The following ERBB4 variants were observed in gnomAD, a reference collection of about 807,000 sequenced individuals.
The protein encoded by ERBB4 is erb-b2 receptor tyrosine kinase 4.
Under a neutral mutation model 158.0 loss-of-function variants are expected in ERBB4, and 42 were observed. The ratio of observed to expected loss-of-function variants is 0.27; its 90% CI spans 0.21 to 0.34. The LOEUF is 0.34. ERBB4 is among the 10% of genes least tolerant of loss of function. ERBB4 has a pLI of 1.00. For synonymous variants in ERBB4, 583 were observed against 558.7 expected (o/e 1.04, Z -0.61); for missense variants, 1,333 against 1,624.1 (o/e 0.82, Z 3.08).
intron 20 of ERBB4, among the ~76,000 whole-genome samples, chr2:211,463,855 T>C (rs1164316949): frequency 2.6e-5 from 4 of 151,940 alleles, no homozygotes; most frequent in Admixed American, 2.6e-4. Flanking sequence ...CTAGTCCCCA[T>C]TACCTCTCTA....
chr2:212,313,297 T>C (rs1048524051), intron 1 of ERBB4, among the ~76,000 whole-genome samples: 7 of 150,854 alleles, frequency 4.6e-5, no homozygotes, highest in Non-Finnish European at 4.5e-5. Context: ...ATAAGGTAAA[T>C]AAAAGATATC....
At chr2:212,115,767 C>T (rs1248307822) in intron 2 of ERBB4, among the ~76,000 whole-genome samples, 1 of 152,064 alleles carries the variant, frequency 6.6e-6, no homozygotes, top group Non-Finnish European at 1.5e-5. Context: ...CCTAGGCCTT[C>T]CAAAGTGTTG....
At position 211,892,837 on chromosome 2, in the gene ERBB4, G is replaced by C. The variant is rs545161034; in HGVS notation, c.421+54593C>G. ...TGCTTCAAAGAAAATAAAATACCTA[G>C]GAATCCAACTTACAAGGGATGTGAA... On this transcript the variant is annotated intron_variant, in intron 3 of 27. Coordinates refer to ENST00000342788, the MANE Select transcript of ERBB4 (RefSeq NM_005235.3). Among the ~76,000 whole-genome samples the C allele has an allele frequency of 3.7e-3, 532 of 142,738 alleles. 58 individuals are homozygous for C. The highest frequency in any genetic ancestry group is 0.014 in the African/African-American group (508 of 35,858). The allele number at this position is 142,738 out of a possible 152,430, so 93.6% of individuals were successfully genotyped here. A position where few individuals can be genotyped will look rare whatever the true frequency, so the allele number is the denominator to read the frequency against.
At chr2:211,591,404 A>C (rs949777852) in intron 19 of ERBB4, among the ~76,000 whole-genome samples, 9 of 152,186 alleles carry the variant, frequency 5.9e-5, no homozygotes, top group Admixed American at 3.9e-4. Context: ...CTACATTTCC[A>C]GACAGGCTTT....
chr2:211,722,017 C>T (rs2074113985), intron 7 of ERBB4, among the ~76,000 whole-genome samples: 1 of 152,128 alleles, frequency 6.6e-6, no homozygotes. Flanking sequence ...CGCCCGCCAC[C>T]ACGCCTGGCT....
intron 2 of ERBB4, among the ~76,000 whole-genome samples, chr2:212,091,860 T>C (rs916358026): frequency 6.6e-6 from 1 of 152,210 alleles, no homozygotes; most frequent in African/African-American, 2.4e-5. Flanking sequence ...CTTTAAAGTT[T>C]ATAAGGCAAA....
intron 3 of ERBB4, among the ~76,000 whole-genome samples, chr2:211,843,621 TA>T (rs1239770955): frequency 2.0e-5 from 3 of 152,002 alleles, no homozygotes; most frequent in Non-Finnish European, 4.4e-5. Flanking sequence ...AATGTTTTTC[TA>T]GACATCCTTA....
intron 1 of ERBB4, among the ~76,000 whole-genome samples, chr2:212,331,075 C>CATATATAT (rs1553619158): frequency 4.7e-5 from 1 of 21,290 alleles, no homozygotes; most frequent in Non-Finnish European, 1.8e-4. Context: ...TATATATACA[C>CATATATAT]ATATATATAT....
At chr2:211,729,434 G>A (rs1165650892) in intron 5 of ERBB4, among the ~76,000 whole-genome samples, 2 of 151,348 alleles carry the variant, frequency 1.3e-5, no homozygotes, top group Non-Finnish European at 3.0e-5. Flanking sequence ...GAAGCATTTG[G>A]ACACATAAAA....
intron 3 of ERBB4, among the ~76,000 whole-genome samples, chr2:211,901,742 T>A (rs527403811): frequency 6.6e-6 from 1 of 152,128 alleles, no homozygotes; most frequent in Non-Finnish European, 1.5e-5. Context: ...GCCTAATAGC[T>A]TTTTTCCTAT....
chr2:211,747,882 C>A (rs918373076), intron 5 of ERBB4, among the ~76,000 whole-genome samples: 1 of 151,554 alleles, frequency 6.6e-6, no homozygotes, highest in African/African-American at 2.4e-5. Flanking sequence ...TTCCAGGACC[C>A]CCATAAATAC....
intron 1 of ERBB4, among the ~76,000 whole-genome samples, chr2:212,425,637 T>A (rs1476649220): frequency 1.3e-5 from 2 of 152,006 alleles, no homozygotes; most frequent in East Asian, 3.9e-4. Context: ...TTTTCAGATC[T>A]TAGGAAAATT....
chr2:212,395,489 G>A (rs2090997732), intron 1 of ERBB4, among the ~76,000 whole-genome samples: 1 of 151,600 alleles, frequency 6.6e-6, no homozygotes, highest in Admixed American at 6.6e-5. Flanking sequence ...TTGACCTAAT[G>A]TCCTAAAATA....
intron 1 of ERBB4, among the ~76,000 whole-genome samples, chr2:212,187,807 A>T (rs2082059536): frequency 6.6e-6 from 1 of 152,180 alleles, no homozygotes; most frequent in Non-Finnish European, 1.5e-5. Flanking sequence ...ATTATTTCAG[A>T]GACATGAGTG....
At chr2:211,523,394 T>C (rs1053623269) in intron 20 of ERBB4, among the ~76,000 whole-genome samples, 9 of 151,122 alleles carry the variant, frequency 6.0e-5, no homozygotes, top group African/African-American at 1.5e-4. Context: ...CCTGTCACAG[T>C]GTGTCCAGAA....
intron 19 of ERBB4, among the ~76,000 whole-genome samples, chr2:211,573,086 T>C (rs2067780287): frequency 6.6e-6 from 1 of 152,184 alleles, no homozygotes; most frequent in Non-Finnish European, 1.5e-5. Context: ...GAGATCTTCC[T>C]TGATTATTCA....
At chr2:211,448,783 A>G (rs929001221) in intron 20 of ERBB4, among the ~76,000 whole-genome samples, 5 of 152,184 alleles carry the variant, frequency 3.3e-5, no homozygotes. Flanking sequence ...GAGCTACCAT[A>G]GATGTCTGTT....
chr2:212,509,160 G>A (rs1291617407), intron 1 of ERBB4, among the ~76,000 whole-genome samples: 1 of 152,032 alleles, frequency 6.6e-6, no homozygotes, highest in Non-Finnish European at 1.5e-5. Context: ...ATTTGGAATT[G>A]TTGATGTGTA....
At chr2:212,240,918 C>T (rs1009450240) in intron 1 of ERBB4, among the ~76,000 whole-genome samples, 21 of 152,156 alleles carry the variant, frequency 1.4e-4, no homozygotes, top group African/African-American at 5.1e-4. Flanking sequence ...GGTCCTCAAC[C>T]ATGGACATAG....
Sources: allele counts gnomAD v4.1 joint callset (sites outside exome capture counted in the v4.1 genomes callset), GRCh38; gene constraint gnomAD v4.1.1; transcripts MANE v1.5; gene names NCBI Gene and HGNC (gene_info 2026-07-23, HGNC 2026-07-21).